DLGAP2: variants seen among roughly 807,000 people sequenced by gnomAD.
DLGAP2 encodes the protein DLG associated protein 2.
Under a neutral mutation model 100.3 loss-of-function variants are expected in DLGAP2, and 26 were observed. That is an observed-to-expected ratio of 0.26 (90% confidence interval 0.19 to 0.36). The LOEUF is 0.36. DLGAP2 is among the 10% of genes least tolerant of loss of function. The pLI is 1.00. For synonymous variants in DLGAP2, 886 were observed against 630.1 expected, an observed-to-expected ratio of 1.41 and a Z score of -6.08; for missense variants, 1,858 against 1,453.2, an observed-to-expected ratio of 1.28 and a Z score of -4.53.
intron 2 of DLGAP2, among the ~76,000 whole-genome samples, chr8:1,190,440 G>C (rs149284171): frequency 7.4e-6 from 1 of 135,670 alleles, no homozygotes; most frequent in Admixed American, 7.4e-5. Flanking sequence ...GGCATCTGCT[G>C]TTGGAGTCGC....
At chr8:823,326 A>G (rs909406087) in intron 1 of DLGAP2, among the ~76,000 whole-genome samples, 1 of 151,578 alleles carries the variant, frequency 6.6e-6, no homozygotes, top group Non-Finnish European at 1.5e-5. Context: ...TATTATTATT[A>G]TTATTATTAT....
intron 2 of DLGAP2, among the ~76,000 whole-genome samples, chr8:1,177,032 T>C (rs1257521421): frequency 1.3e-5 from 2 of 152,226 alleles, no homozygotes; most frequent in African/African-American, 4.8e-5. Context: ...TCATCGTTGA[T>C]GTCGCATTAA....
At chr8:878,622 A>G (rs2128992889) in intron 1 of DLGAP2, among the ~76,000 whole-genome samples, 2 of 152,144 alleles carry the variant, frequency 1.3e-5, no homozygotes, top group Middle Eastern at 6.8e-3. Flanking sequence ...CCCCAGTGTA[A>G]TGGTGTTGAG....
At chr8:1,013,646 T>C (rs911364441) in intron 2 of DLGAP2, among the ~76,000 whole-genome samples, 3 of 141,272 alleles carry the variant, frequency 2.1e-5, no homozygotes, top group Non-Finnish European at 4.5e-5. Context: ...CCACTGTGTG[T>C]GTGACCAGGA....
intron 2 of DLGAP2, among the ~76,000 whole-genome samples, chr8:1,032,098 A>G (rs943971349): frequency 1.3e-5 from 2 of 152,252 alleles, no homozygotes; most frequent in Non-Finnish European, 2.9e-5. Context: ...TTCTGAAAAC[A>G]CATCTGCCCC....
intron 1 of DLGAP2, among the ~76,000 whole-genome samples, chr8:748,619 G>A (rs1204251888): frequency 2.0e-5 from 3 of 152,202 alleles, no homozygotes; most frequent in Non-Finnish European, 4.4e-5. Context: ...TTTAAAAAGT[G>A]CTTACATATA....
chr8:1,097,854 G>A (rs367743702), intron 2 of DLGAP2, among the ~76,000 whole-genome samples: 3 of 57,344 alleles, frequency 5.2e-5, no homozygotes, highest in East Asian at 6.8e-4. Flanking sequence ...GGCCTTCACC[G>A]TCTGTGGCAT....
chr8:1,066,799 T>C lies in DLGAP2; in HGVS notation c.73+158833T>C, dbSNP rs76111087. On this transcript the variant is annotated intron_variant, in intron 2 of 14. Coordinates refer to ENST00000637795, the MANE Select transcript of DLGAP2 (RefSeq NM_001346810.2). Reference sequence around the variant, plus strand: ...TGTCTGGATGGCAAAGCTGTGCTTGTAGGGCAGGTCTTCATGGTGAAAAAG... The same window carrying C: ...TGTCTGGATGGCAAAGCTGTGCTTGCAGGGCAGGTCTTCATGGTGAAAAAG... Among the ~76,000 whole-genome samples, 1,314 of 152,306 alleles carry C rather than the reference T, an allele frequency of 8.6e-3. 25 individuals carry two copies. Among genetic ancestry groups the C allele is most frequent in the African/African-American group, 0.029 (1,213 of 41,566 alleles).
At chr8:827,716 T>G (rs1585906401) in intron 1 of DLGAP2, among the ~76,000 whole-genome samples, 2 of 152,354 alleles carry the variant, frequency 1.3e-5, no homozygotes, top group East Asian at 3.9e-4. Context: ...TAATTTATTT[T>G]GCAAAAGAAA....
intron 6 of DLGAP2, among the ~76,000 whole-genome samples, chr8:1,617,129 A>G (rs57407874): frequency 0.056 from 8,524 of 152,204 alleles, 770 homozygotes; most frequent in African/African-American, 0.19. Context: ...TTATCTGTCT[A>G]CCATTGATGG....
chr8:1,602,503 G>C (rs569857891), intron 6 of DLGAP2, among the ~76,000 whole-genome samples: 2 of 152,314 alleles, frequency 1.3e-5, no homozygotes, highest in East Asian at 3.9e-4. Context: ...GCCAGGGCTG[G>C]AGGCCCGAAT....
intron 1 of DLGAP2, among the ~76,000 whole-genome samples, chr8:848,340 C>T (rs1244714182): frequency 6.8e-6 from 1 of 147,884 alleles, no homozygotes; most frequent in Non-Finnish European, 1.5e-5. Context: ...GTGCGTGTTC[C>T]AGTATAGGAA....
chr8:946,556 C>A (rs139116860), intron 2 of DLGAP2, among the ~76,000 whole-genome samples: 2,430 of 152,292 alleles, frequency 0.016, 70 homozygotes, highest in African/African-American at 0.055. Flanking sequence ...AGCCACCGCG[C>A]CCGGCCCGTT....
intron 1 of DLGAP2, among the ~76,000 whole-genome samples, chr8:879,970 T>C (rs1585966175): frequency 6.6e-6 from 1 of 152,190 alleles, no homozygotes; most frequent in East Asian, 1.9e-4. Flanking sequence ...GCAGCCTCCT[T>C]CTTTACTCAT....
intron 4 of DLGAP2, among the ~76,000 whole-genome samples, chr8:1,530,688 G>A (rs1196647652): frequency 1.3e-5 from 2 of 152,176 alleles, no homozygotes; most frequent in African/African-American, 4.8e-5. Context: ...GTATTAATTT[G>A]GGGAACTAAT....
At chr8:1,313,465 C>A (rs557524923) in intron 3 of DLGAP2, among the ~76,000 whole-genome samples, 32 of 152,256 alleles carry the variant, frequency 2.1e-4, no homozygotes, top group Middle Eastern at 6.8e-3. Flanking sequence ...ATACTCCCCC[C>A]CTTAATTATG....
intron 2 of DLGAP2, among the ~76,000 whole-genome samples, chr8:1,122,506 G>A (rs913016064): frequency 2.0e-5 from 3 of 152,294 alleles, no homozygotes; most frequent in African/African-American, 4.8e-5. Context: ...AGGTTGAATC[G>A]CATTTAAGAA....
At chr8:1,384,471 G>T (rs372923628) in intron 3 of DLGAP2, among the ~76,000 whole-genome samples, 2 of 63,942 alleles carry the variant, frequency 3.1e-5, no homozygotes, top group East Asian at 7.6e-4. Flanking sequence ...CCTGTGCCCG[G>T]CCCCTGAGAA....
intron 3 of DLGAP2, among the ~76,000 whole-genome samples, chr8:1,288,685 G>C (rs1269863794): frequency 1.3e-4 from 19 of 149,934 alleles, no homozygotes; most frequent in African/African-American, 4.7e-4. Context: ...TTCAGTGTGT[G>C]TGTGTGTGTG....
Sources: allele counts gnomAD v4.1 joint callset (sites outside exome capture counted in the v4.1 genomes callset), GRCh38; gene constraint gnomAD v4.1.1; transcripts MANE v1.5; gene names NCBI Gene and HGNC (gene_info 2026-07-23, HGNC 2026-07-21).